Variants in TMEM127 observed in about 807,000 individuals in gnomAD.
The protein encoded by TMEM127 is transmembrane protein 127.
In TMEM127, 21 loss-of-function variants were observed where a neutral mutation model predicts 20.1. The observed-to-expected ratio is 1.04, with a 90% CI of 0.74 to 1.50. The LOEUF is 1.50. TMEM127 is among the 40% of genes most tolerant of loss of function. TMEM127 has a pLI of 0.00. For missense variants in TMEM127, 303 were observed against 317.4 expected, an observed-to-expected ratio of 0.95 and a Z score of 0.34; for synonymous variants, 150 against 144.7, an observed-to-expected ratio of 1.04 and a Z score of -0.26.
At chr2:96,265,703 T>G (rs1305740586) in intron 1 of TMEM127, among the ~76,000 whole-genome samples, 166 bp downstream of exon 1, 2 of 151,812 alleles carry the variant, frequency 1.3e-5, no homozygotes, top group Non-Finnish European at 2.9e-5. Context: ...GGGGATCGGC[T>G]ACTGCTAGAG....
rs897917244 is a variant in TMEM127 at position 96,255,818 on chromosome 2, G to GA, written c.245-822dup. Among the ~76,000 whole-genome samples, 44 of 145,816 alleles carry GA rather than the reference G, an allele frequency of 3.0e-4. No individual in the cohort carries two copies. The East Asian group carries it at 5.2e-3, about 17-fold the overall frequency. On this transcript the variant is annotated intron_variant, in intron 2 of 3. Coordinates refer to ENST00000258439, the MANE Select transcript of TMEM127 (RefSeq NM_017849.4). ...CATAGTGAGACCCCGTCTCTTTGAG[G>GA]AAAAAAAAAAAATTAGCTGGGCATG...
chr2:96,253,887 T>C lies in TMEM127; in HGVS notation c.638A>G (p.Glu213Gly), dbSNP rs1684142972. Residue 213 changes from glutamate (E) to glycine (G), a missense_variant, in exon 4 of 4, where the codon GAG becomes GGG. By Grantham distance (98) the Glu-to-Gly change is moderately conservative. Coordinates refer to ENST00000258439, the MANE Select transcript of TMEM127 (RefSeq NM_017849.4). The surrounding 1 kb of genome is among the most constrained non-coding windows in gnomAD (Gnocchi z 4.3). ...CGGGTAGGGCTCGTTCTCTTCCATC[T>C]CTGAGAGCAGCTCCAGCGCCTGCTC... ...EEEQALELLS[E>G]MEENEPYPAE... 6.2e-7 allele frequency: 1 copy of C among 1,614,154 alleles called. No homozygotes were observed. The highest frequency in any genetic ancestry group is 8.5e-7 in the Non-Finnish European group (1 of 1,180,018).
At position 96,253,094 on chromosome 2, in the gene TMEM127, G is replaced by A; in HGVS notation, c.*714C>T. ...TCATATTTAAAAGGTGAAGGGCTGG[G>A]AGATGTAGTCCCCTTCACTCTGGTC... On this transcript the variant is annotated 3_prime_UTR_variant, in exon 4 of 4. Transcript: ENST00000258439. This position sits in a 1 kb window ranked among gnomAD's most constrained non-coding sequence, Gnocchi z 4.3. 4.3e-6 allele frequency: 1 copy of A among 233,462 alleles called. No homozygotes were observed. Among genetic ancestry groups the A allele is most frequent in the Non-Finnish European group, 8.5e-6 (1 of 117,966 alleles). The allele number at this position is 233,462 out of a possible 1,614,324, so 14.5% of individuals were successfully genotyped here. A position where few individuals can be genotyped will look rare whatever the true frequency, so the allele number is the denominator to read the frequency against.
At position 96,254,865 on chromosome 2, in the gene TMEM127, G is replaced by C; in HGVS notation, c.377C>G (p.Thr126Ser). Reference protein sequence around the residue: ...FGPKHPALKITRRYAFAHILT... With the variant: ...FGPKHPALKISRRYAFAHILT... ...GATATGGGCGAAGGCATAGCGACGA[G>C]TGATCTTCAGAGCAGGATGCTTCGG... The change falls in exon 3 of 4, where the codon ACT becomes AGT. Residue 126 changes from threonine to serine, a missense_variant. Thr to Ser is a moderately conservative substitution (Grantham distance 58). Transcript: ENST00000258439. 6.2e-7 allele frequency: 1 copy of C among 1,614,132 alleles called. No individual in the cohort carries two copies. Among genetic ancestry groups the C allele is most frequent in the Non-Finnish European group, 8.5e-7 (1 of 1,179,972 alleles).
rs747797478 is a variant in TMEM127 at position 96,265,265 on chromosome 2, C to T, written c.117G>A (p.Leu39=). 8.2e-6 allele frequency: 13 copies of T among 1,582,908 alleles called. No individual in the cohort carries two copies. The South Asian group carries it at 1.5e-4, about 18-fold the overall frequency. The part of the protein sequence containing the change: ...RSLASALPGA[L]SITALCTALA... ...GGGCAGTGCACAGCGCCGTGATAGACAGGGCGCCAGGCAGGGCCGAGGCCA... is the reference window on the plus strand; with the variant it reads ...GGGCAGTGCACAGCGCCGTGATAGATAGGGCGCCAGGCAGGGCCGAGGCCA... Residue 39 remains leucine (L), a synonymous_variant, in exon 2 of 4, where the codon CTG becomes CTA. Transcript: ENST00000258439.
chr2:96,258,131 C>T (rs1393923397), intron 2 of TMEM127, among the ~76,000 whole-genome samples: 3 of 152,212 alleles, frequency 2.0e-5, no homozygotes, highest in Non-Finnish European at 4.4e-5. Flanking sequence ...ACCCAAATCA[C>T]TGTGGCACTG....
chr2:96,260,108 G>A (rs373184634), intron 2 of TMEM127, among the ~76,000 whole-genome samples: 2 of 152,348 alleles, frequency 1.3e-5, no homozygotes, highest in Non-Finnish European at 2.9e-5. Context: ...CAGGGTTAGT[G>A]AGAAAACCAA....
chr2:96,252,901 A>T lies in TMEM127; in HGVS notation c.*907T>A, dbSNP rs938922611. On this transcript the variant is annotated 3_prime_UTR_variant, in exon 4 of 4. Transcript: ENST00000258439. The surrounding 1 kb of genome is among the most constrained non-coding windows in gnomAD (Gnocchi z 4.2). ...AAGGGAGGCTGCATTCTACTGGGAGAGACTCGGGGAGGGACTACCATGGGC... is the reference window on the plus strand; with the variant it reads ...AAGGGAGGCTGCATTCTACTGGGAGTGACTCGGGGAGGGACTACCATGGGC... The T allele has an allele frequency of 1.3e-5, 3 of 233,398 alleles. No individual in the cohort carries two copies. The highest frequency in any genetic ancestry group is 4.4e-5 in the African/African-American group (2 of 45,344). 14.5% of individuals were successfully genotyped at this position (233,398 alleles called of 1,614,324 possible). A position where few individuals can be genotyped will look rare whatever the true frequency, so the allele number is the denominator to read the frequency against.
Position 96,253,924 on chromosome 2 carries a change from T to A in TMEM127, c.601A>T (p.Thr201Ser), listed in dbSNP as rs1684144587. Residue 201 changes from threonine to serine, a missense_variant, in exon 4 of 4, where the codon ACA becomes TCA. Physicochemically the swap from Thr to Ser is moderately conservative, Grantham distance 58 (BLOSUM62 1). Transcript: ENST00000258439. This position sits in a 1 kb window ranked among gnomAD's most constrained non-coding sequence, Gnocchi z 4.3. ...TAANLLRHYP[T>S]EEEEQALELL... ...TCCAGCGCCTGCTCCTCTTCCTCTG[T>A]GGGGTAGTGGCGCAGGAGGTTGGCT... 1 of 1,613,892 alleles carries A rather than the reference T, an allele frequency of 6.2e-7. No individual in the cohort carries two copies. The highest frequency in any genetic ancestry group is 1.1e-5 in the South Asian group (1 of 91,064).
chr2:96,251,555 C>T lies in TMEM127; in HGVS notation c.*2253G>A, dbSNP rs1229688510. 4.3e-6 allele frequency: 1 copy of T among 232,244 alleles called. No homozygotes were observed. The highest frequency in any genetic ancestry group is 6.1e-5 in the East Asian group (1 of 16,452). The allele number at this position is 232,244 out of a possible 1,614,324, so 14.4% of individuals were successfully genotyped here. A position where few individuals can be genotyped will look rare whatever the true frequency, so the allele number is the denominator to read the frequency against. The stretch of plus-strand genomic sequence containing the variant: ...AGAAAAAGAAAAAAAAATACAGCCT[C>T]ATCAACATCTCCTGCTTCTCTGAGA... On this transcript the variant is annotated 3_prime_UTR_variant, in exon 4 of 4. Coordinates refer to ENST00000258439, the MANE Select transcript of TMEM127 (RefSeq NM_017849.4).
Position 96,265,483 on chromosome 2 carries a change from G to T in TMEM127, c.-102C>A. On this transcript the variant is annotated 5_prime_UTR_variant, in exon 2 of 4. Transcript: ENST00000258439. ...GTCCGGTGGAGGATAGCAACGCTCC[G>T]GGTTCGCTGCAGGTGAAGCCGGGAC... 7.9e-7 allele frequency: 1 copy of T among 1,265,088 alleles called. No individual in the cohort carries two copies. The highest frequency in any genetic ancestry group is 9.9e-7 in the Non-Finnish European group (1 of 1,007,306). 78.4% of individuals were successfully genotyped at this position (1,265,088 alleles called of 1,614,324 possible). A position where few individuals can be genotyped will look rare whatever the true frequency, so the allele number is the denominator to read the frequency against.
rs552008173 is a variant in TMEM127 at position 96,249,920 on chromosome 2, C to T, written c.*3888G>A. The T allele has an allele frequency of 5.1e-5, 12 of 233,150 alleles. No homozygotes were observed. The South Asian group carries it at 2.0e-3, about 39-fold the overall frequency. The allele number at this position is 233,150 out of a possible 1,614,324, so 14.4% of individuals were successfully genotyped here. On this transcript the variant is annotated 3_prime_UTR_variant, in exon 4 of 4. Coordinates refer to ENST00000258439, the MANE Select transcript of TMEM127 (RefSeq NM_017849.4). ...TTCACATCCCATGGCTTCTCGTGTG[C>T]GGGCCCCTCTTCGCCTGTGCAGTTG... is the stretch of plus-strand genomic sequence containing the variant.
rs779910556 is a variant in TMEM127 at position 96,253,858 on chromosome 2, C to T, written c.667G>A (p.Glu223Lys). 11 of 1,613,958 alleles carry T rather than the reference C, an allele frequency of 6.8e-6. No individual in the cohort carries two copies. The highest frequency in any genetic ancestry group is 9.3e-6 in the Non-Finnish European group (11 of 1,179,886). ...EMEENEPYPA[E>K]YEVINQFQPP... is the part of the protein sequence containing the mutation. ...TGGAACTGGTTGATGACCTCATATT[C>T]CGCCGGGTAGGGCTCGTTCTCTTCC... Residue 223 changes from glutamate (E) to lysine (K), a missense_variant, in exon 4 of 4, where the codon GAA (glutamate) becomes AAA (lysine). Coordinates refer to ENST00000258439, the MANE Select transcript of TMEM127 (RefSeq NM_017849.4). The surrounding 1 kb of genome is among the most constrained non-coding windows in gnomAD (Gnocchi z 4.3).
chr2:96,253,150 C>T lies in TMEM127; in HGVS notation c.*658G>A, dbSNP rs1000706979. The T allele has an allele frequency of 8.6e-6, 2 of 233,594 alleles. No individual in the cohort carries two copies. The highest frequency in any genetic ancestry group is 1.7e-5 in the Non-Finnish European group (2 of 118,078). 14.5% of individuals were successfully genotyped at this position (233,594 alleles called of 1,614,324 possible). ...TAGGCACCAGGGGGCCTCAGTCTCA[C>T]GCTGGCTCCTGCTCTCCTTGCCTGG... On this transcript the variant is annotated 3_prime_UTR_variant, in exon 4 of 4. Coordinates refer to ENST00000258439, the MANE Select transcript of TMEM127 (RefSeq NM_017849.4). This position sits in a 1 kb window ranked among gnomAD's most constrained non-coding sequence, Gnocchi z 4.3.
At position 96,250,624 on chromosome 2, in the gene TMEM127, G is replaced by C. The variant is rs1684067032; in HGVS notation, c.*3184C>G. On this transcript the variant is annotated 3_prime_UTR_variant, in exon 4 of 4. Coordinates refer to ENST00000258439, the MANE Select transcript of TMEM127 (RefSeq NM_017849.4). ...TAACAACAACAAAAGAGACCTAAAT[G>C]GGCTGCTCCCTGAAGAGAGCCCTCA... is the stretch of plus-strand genomic sequence containing the variant. 4.3e-6 allele frequency: 1 copy of C among 232,910 alleles called. No individual in the cohort carries two copies. Among genetic ancestry groups the C allele is most frequent in the African/African-American group, 2.2e-5 (1 of 45,328 alleles). The allele number at this position is 232,910 out of a possible 1,614,324, so 14.4% of individuals were successfully genotyped here.
At chr2:96,257,433 G>C (rs1275448569) in intron 2 of TMEM127, among the ~76,000 whole-genome samples, 1 of 152,030 alleles carries the variant, frequency 6.6e-6, no homozygotes, top group African/African-American at 2.4e-5. Flanking sequence ...CTGCACTCCA[G>C]CCTGGCGACA....
chr2:96,253,755 G>T lies in TMEM127; in HGVS notation c.*53C>A. The T allele has an allele frequency of 6.4e-7, 1 of 1,563,604 alleles. No homozygotes were observed. Among genetic ancestry groups the T allele is most frequent in the Non-Finnish European group, 8.7e-7 (1 of 1,150,918 alleles). ...GAAAGGAGCTCCTCTGGGTGCGAGAGGAGCTGCAGAGTTGAGGGAGGGGCT... is the reference window on the plus strand; with the variant it reads ...GAAAGGAGCTCCTCTGGGTGCGAGATGAGCTGCAGAGTTGAGGGAGGGGCT... On this transcript the variant is annotated 3_prime_UTR_variant, in exon 4 of 4. Transcript: ENST00000258439. This position sits in a 1 kb window ranked among gnomAD's most constrained non-coding sequence, Gnocchi z 4.3.
rs1684081515 is a variant in TMEM127, at chr2:96,251,262, A to G, written c.*2546T>C. ...GCCAGGCACGGTGGTTCATGCCTAT[A>G]ATCCCAGCACTTTGGGAGGCCAAGG... On this transcript the variant is annotated 3_prime_UTR_variant, in exon 4 of 4. Transcript: ENST00000258439. 4.9e-6 allele frequency: 1 copy of G among 206,108 alleles called. No individual in the cohort carries two copies. The highest frequency in any genetic ancestry group is 2.3e-5 in the African/African-American group (1 of 43,856). The allele number at this position is 206,108 out of a possible 1,614,324, so 12.8% of individuals were successfully genotyped here.
Position 96,250,139 on chromosome 2 carries a change from T to C in TMEM127, c.*3669A>G. The stretch of plus-strand genomic sequence containing the variant: ...GAACCCTTCCTACTGTCACCAGTCA[T>C]TAAAATAAGGTTGCATCCCTCCCTT... On this transcript the variant is annotated 3_prime_UTR_variant, in exon 4 of 4. Transcript: ENST00000258439. The C allele has an allele frequency of 4.3e-6, 1 of 233,440 alleles. No homozygotes were observed. The highest frequency in any genetic ancestry group is 8.5e-6 in the Non-Finnish European group (1 of 118,104). 14.5% of individuals were successfully genotyped at this position (233,440 alleles called of 1,614,324 possible).
Sources: allele counts gnomAD v4.1 joint callset (sites outside exome capture counted in the v4.1 genomes callset), GRCh38; gene constraint gnomAD v4.1.1; non-coding constraint Gnocchi (gnomAD v3.1); transcripts MANE v1.5; gene names NCBI Gene and HGNC (gene_info 2026-07-23, HGNC 2026-07-21).